The following GRM3 variants were observed in gnomAD, a reference collection of about 807,000 sequenced individuals.
GRM3 encodes the protein metabotropic glutamate receptor 3.
Under a neutral mutation model 70.5 loss-of-function variants are expected in GRM3, and 26 were observed. That is an observed-to-expected ratio of 0.37 (90% CI 0.27 to 0.51). The LOEUF is 0.51. Ranked by LOEUF, GRM3 falls within the 20% of genes least tolerant of loss-of-function variation. GRM3 has a pLI of 0.93. For synonymous variants in GRM3, 443 were observed against 434.9 expected (o/e 1.02, Z -0.23); for missense variants, 859 against 1,123.8 (o/e 0.76, Z 3.37).
intron 1 of GRM3, among the ~76,000 whole-genome samples, chr7:86,735,049 T>C (rs1418104819): frequency 1.3e-5 from 2 of 152,258 alleles, no homozygotes; most frequent in African/African-American, 4.8e-5. Context: ...GAGAATAGTC[T>C]TTATTTGCAT....
chr7:86,859,133 A>AT (rs934674516), intron 5 of GRM3, among the ~76,000 whole-genome samples: 6 of 151,886 alleles, frequency 4.0e-5, no homozygotes, highest in East Asian at 1.9e-4. Context: ...GCCCAGCTAA[A>AT]TTTTTTTAGA....
intron 1 of GRM3, among the ~76,000 whole-genome samples, chr7:86,754,826 C>T (rs920131642): frequency 2.0e-5 from 3 of 152,046 alleles, no homozygotes; most frequent in African/African-American, 4.8e-5. Flanking sequence ...TTAAGCAGCA[C>T]GGGTGTCACT....
At chr7:86,769,380 G>A (rs74615319) in intron 2 of GRM3, among the ~76,000 whole-genome samples, 3,167 of 152,188 alleles carry the variant, frequency 0.021, 53 homozygotes, top group African/African-American at 0.04. Flanking sequence ...CCAGGGCTCA[G>A]GGGTTTTCCA....
intron 1 of GRM3, among the ~76,000 whole-genome samples, chr7:86,715,767 T>G (rs908318865): frequency 2.6e-5 from 4 of 151,978 alleles, no homozygotes; most frequent in Non-Finnish European, 5.9e-5. Context: ...AATTCCAAAA[T>G]GCTGGCTTAC....
intron 1 of GRM3, among the ~76,000 whole-genome samples, chr7:86,667,145 T>A (rs937579525): frequency 3.3e-5 from 5 of 152,084 alleles, no homozygotes; most frequent in African/African-American, 1.2e-4. Flanking sequence ...AAAATTATTT[T>A]GTAAAATGAC....
At chr7:86,808,676 G>T (rs962279491) in intron 3 of GRM3, among the ~76,000 whole-genome samples, 1 of 152,012 alleles carries the variant, frequency 6.6e-6, no homozygotes, top group African/African-American at 2.4e-5. Flanking sequence ...TTTATATAAT[G>T]TAATCAAAAG....
At position 86,643,917 on chromosome 7, in the gene GRM3, C is replaced by G. The variant is rs1455460582; in HGVS notation, c.-1096C>G. ...ACCCTCTCCAGGGGCTCGCAGTGTG[C>G]AGTTGAGTCGCGAGTACGGCTGAGC... On this transcript the variant is annotated 5_prime_UTR_variant, in exon 1 of 6. Coordinates refer to ENST00000361669, the MANE Select transcript of GRM3 (RefSeq NM_000840.3). 1.3e-5 allele frequency: 2 copies of G among 152,378 alleles called. No homozygotes were observed. The highest frequency in any genetic ancestry group is 2.9e-5 in the Non-Finnish European group (2 of 68,220). 9.4% of individuals were successfully genotyped at this position (152,378 alleles called of 1,614,324 possible). A position where few individuals can be genotyped will look rare whatever the true frequency, so the allele number is the denominator to read the frequency against.
chr7:86,725,988 A>C (rs1340598285), intron 1 of GRM3, among the ~76,000 whole-genome samples: 3 of 152,078 alleles, frequency 2.0e-5, no homozygotes, highest in Non-Finnish European at 2.9e-5. Flanking sequence ...CCCACCTCCA[A>C]ATATCATCAC....
intron 1 of GRM3, among the ~76,000 whole-genome samples, chr7:86,723,228 A>T (rs1043394521): frequency 2.8e-4 from 29 of 102,630 alleles, no homozygotes; most frequent in African/African-American, 9.7e-4. Context: ...CTACATCCAT[A>T]AAAAAAATAT....
intron 1 of GRM3, among the ~76,000 whole-genome samples, chr7:86,747,832 A>T (rs1398395494): frequency 1.3e-5 from 2 of 152,130 alleles, no homozygotes; most frequent in Non-Finnish European, 2.9e-5. Context: ...TTCTAAAAGC[A>T]GCTAATAGCA....
intron 1 of GRM3, among the ~76,000 whole-genome samples, chr7:86,660,253 C>G (rs1449647291): frequency 6.6e-6 from 1 of 152,048 alleles, no homozygotes; most frequent in African/African-American, 2.4e-5. Context: ...GCAACCTTTT[C>G]TCTCTATTCA....
intron 3 of GRM3, among the ~76,000 whole-genome samples, chr7:86,798,087 G>T (rs976854593): frequency 1.3e-5 from 2 of 152,352 alleles, no homozygotes; most frequent in Admixed American, 1.3e-4. Flanking sequence ...GAGGTGTGCT[G>T]CAGGGGTGGA....
intron 1 of GRM3, among the ~76,000 whole-genome samples, chr7:86,709,400 T>G (rs1202349766): frequency 6.6e-6 from 1 of 152,088 alleles, no homozygotes; most frequent in Non-Finnish European, 1.5e-5. Context: ...AGGAGGCTGC[T>G]TCTGCACCCT....
At chr7:86,846,141 G>A (rs1405136978) in intron 4 of GRM3, among the ~76,000 whole-genome samples, 1 of 152,152 alleles carries the variant, frequency 6.6e-6, no homozygotes, top group African/African-American at 2.4e-5. Context: ...TGTCAACACT[G>A]TAAACCAATC....
chr7:86,646,148 A>G (rs907452847), intron 1 of GRM3, among the ~76,000 whole-genome samples: 1 of 152,132 alleles, frequency 6.6e-6, no homozygotes, highest in African/African-American at 2.4e-5. Flanking sequence ...GATTGCCACT[A>G]TGCTAAACTA....
chr7:86,715,322 A>G (rs2116194831), intron 1 of GRM3, among the ~76,000 whole-genome samples: 1 of 152,162 alleles, frequency 6.6e-6, no homozygotes, highest in East Asian at 1.9e-4. Context: ...GCAAAGATGG[A>G]CTTTAACATA....
chr7:86,665,971 C>A (rs11974861), intron 1 of GRM3, among the ~76,000 whole-genome samples: 5,610 of 152,138 alleles, frequency 0.037, 345 homozygotes, highest in African/African-American at 0.13. Flanking sequence ...CTGTCATTCA[C>A]ATTTTGTGAA....
At position 86,839,625 on chromosome 7, in the gene GRM3, C is replaced by T; in HGVS notation, c.2111C>T (p.Ser704Phe). 1 of 1,614,016 alleles carries T rather than the reference C, an allele frequency of 6.2e-7. No individual in the cohort carries two copies. Among genetic ancestry groups the T allele is most frequent in the South Asian group, 1.1e-5 (1 of 91,064 alleles). The change falls in exon 4 of 6, where the codon TCT becomes TTT. Residue 704 changes from serine (S) to phenylalanine (F), a missense_variant. Transcript: ENST00000361669. The surrounding 1 kb of genome is among the most constrained non-coding windows in gnomAD (Gnocchi z 4.5). The part of the protein sequence containing the change: ...GLILVQIVMV[S>F]VWLILEAPGT... Reference sequence around the variant, plus strand: ...ATCCTGGTGCAAATTGTGATGGTGTCTGTGTGGCTCATCCTGGAGGCCCCA... The same window carrying T: ...ATCCTGGTGCAAATTGTGATGGTGTTTGTGTGGCTCATCCTGGAGGCCCCA...
intron 1 of GRM3, among the ~76,000 whole-genome samples, chr7:86,716,137 T>C (rs1444201728): frequency 6.6e-6 from 1 of 151,966 alleles, no homozygotes; most frequent in Admixed American, 6.6e-5. Flanking sequence ...GATCCTCAAA[T>C]GTATTCCCAA....
Sources: gnomAD v4.1 joint callset for allele counts (sites outside exome capture counted in the v4.1 genomes callset) on GRCh38, gnomAD v4.1.1 for gene constraint, Gnocchi (gnomAD v3.1) non-coding constraint, MANE v1.5 for transcripts, NCBI Gene and HGNC (gene_info 2026-07-23, HGNC 2026-07-21) for gene names.